Variants in GTF2F2 observed in about 807,000 individuals in gnomAD.
The protein encoded by GTF2F2 is ATP-dependent helicase GTF2F2.
GTF2F2 carries 23 observed loss-of-function variants against 42.2 expected under a neutral mutation model. The observed-to-expected ratio is 0.55, with a 90% CI of 0.39 to 0.77. The LOEUF (loss-of-function observed/expected upper bound fraction) is 0.77. Among genes scored for constraint, GTF2F2 ranks in the 30% least tolerant of loss-of-function variants. The pLI is 0.00. For missense variants in GTF2F2, 261 were observed against 287.2 expected (o/e 0.91, Z 0.66); for synonymous variants, 105 against 100.8 (o/e 1.04, Z -0.25).
At chr13:45,135,250 C>T (rs1346500883) in intron 1 of GTF2F2, among the ~76,000 whole-genome samples, 1 of 151,198 alleles carries the variant, frequency 6.6e-6, no homozygotes, top group African/African-American at 2.4e-5. Flanking sequence ...CACCACACCC[C>T]ATGAACCCAT....
chr13:45,191,741 A>G (rs1280855351), intron 4 of GTF2F2, among the ~76,000 whole-genome samples: 1 of 152,156 alleles, frequency 6.6e-6, no homozygotes, highest in Non-Finnish European at 1.5e-5. Context: ...GTTTTAGAAC[A>G]TTGTGATTTA....
intron 4 of GTF2F2, among the ~76,000 whole-genome samples, chr13:45,179,304 G>A (rs1201962704): frequency 6.6e-6 from 1 of 152,164 alleles, no homozygotes; most frequent in Non-Finnish European, 1.5e-5. Flanking sequence ...AGATTTCTTT[G>A]ATGGGGTATC....
Position 45,283,792 on chromosome 13 carries a change from A to G in GTF2F2, c.*231A>G. On this transcript the variant is annotated 3_prime_UTR_variant, in exon 8 of 8. Transcript: ENST00000340473. ...TAACTTGTATTAAACCAGATTATTC[A>G]CAGTAGGAATAGGGGTTGGAGGATT... 4.2e-6 allele frequency: 1 copy of G among 238,932 alleles called. No individual in the cohort carries two copies. The highest frequency in any genetic ancestry group is 8.1e-6 in the Non-Finnish European group (1 of 123,714). The allele number at this position is 238,932 out of a possible 1,614,324, so 14.8% of individuals were successfully genotyped here.
intron 5 of GTF2F2, among the ~76,000 whole-genome samples, chr13:45,216,229 A>G (rs1873881881): frequency 1.3e-5 from 2 of 152,188 alleles, no homozygotes; most frequent in Non-Finnish European, 2.9e-5. Flanking sequence ...AGAGGAAAAA[A>G]AAGAAGGCAC....
At chr13:45,168,880 C>T (rs1300150458) in intron 4 of GTF2F2, among the ~76,000 whole-genome samples, 2 of 4,890 alleles carry the variant, frequency 4.1e-4, no homozygotes, top group Non-Finnish European at 9.3e-4. Context: ...TCTCTCCCTC[C>T]TTCCCTCCCT....
intron 4 of GTF2F2, among the ~76,000 whole-genome samples, chr13:45,156,390 C>G (rs1476006336): frequency 6.6e-6 from 1 of 152,198 alleles, no homozygotes; most frequent in East Asian, 1.9e-4. Flanking sequence ...ATTCATTTTT[C>G]TAGCCTTCAA....
chr13:45,245,569 AT>A (rs1038570187), intron 5 of GTF2F2, among the ~76,000 whole-genome samples: 4 of 151,494 alleles, frequency 2.6e-5, no homozygotes, highest in African/African-American at 4.8e-5. Flanking sequence ...CATTCTTGAG[AT>A]ACTTCACTTA....
chr13:45,259,358 G>A (rs1057367543), intron 6 of GTF2F2, among the ~76,000 whole-genome samples: 9 of 152,012 alleles, frequency 5.9e-5, no homozygotes, highest in Non-Finnish European at 1.0e-4. Context: ...CCCGGGAGGC[G>A]GAGGTTGCAG....
chr13:45,265,427 C>A (rs1876524225), intron 6 of GTF2F2, among the ~76,000 whole-genome samples: 1 of 151,990 alleles, frequency 6.6e-6, no homozygotes, highest in Non-Finnish European at 1.5e-5. Context: ...CATTTTAATC[C>A]ATTTAAAGCC....
At chr13:45,147,985 G>C (rs929599818) in intron 2 of GTF2F2, among the ~76,000 whole-genome samples, 1 of 152,126 alleles carries the variant, frequency 6.6e-6, no homozygotes, top group Non-Finnish European at 1.5e-5. Flanking sequence ...ATTTGTAGTT[G>C]TTTATGATTG....
At position 45,176,478 on chromosome 13, in the gene GTF2F2, A is replaced by G. The variant is rs1871882964; in HGVS notation, c.304+24647A>G. Among the ~76,000 whole-genome samples the G allele has an allele frequency of 1.3e-5, 2 of 152,020 alleles. 1 individual carries two copies. The highest frequency in any genetic ancestry group is 4.1e-4 in the South Asian group (2 of 4,826). On this transcript the variant is annotated intron_variant, in intron 4 of 7. Coordinates refer to ENST00000340473, the MANE Select transcript of GTF2F2 (RefSeq NM_004128.3). ...TGTTTAGATTTCTTGTCCATTTTTT[A>G]TGAGTTGTCTTTTTCTTTTTGAGTT...
intron 6 of GTF2F2, among the ~76,000 whole-genome samples, chr13:45,253,898 C>T (rs1272187191): frequency 6.6e-6 from 1 of 152,042 alleles, no homozygotes; most frequent in Non-Finnish European, 1.5e-5. Context: ...ACACAGTGAA[C>T]CCCGTCTCTA....
At chr13:45,248,965 A>G (rs1482768537) in intron 5 of GTF2F2, among the ~76,000 whole-genome samples, 1 of 152,176 alleles carries the variant, frequency 6.6e-6, no homozygotes, top group African/African-American at 2.4e-5. Context: ...AAGTCAGCCT[A>G]ATACCTCTGT....
intron 5 of GTF2F2, among the ~76,000 whole-genome samples, chr13:45,222,745 G>C (rs1290483116): frequency 6.6e-6 from 1 of 152,138 alleles, no homozygotes; most frequent in African/African-American, 2.4e-5. Flanking sequence ...CATTTTTCCT[G>C]CCCTTGAGTT....
At chr13:45,231,560 T>C (rs2138219207) in intron 5 of GTF2F2, among the ~76,000 whole-genome samples, 1 of 152,308 alleles carries the variant, frequency 6.6e-6, no homozygotes, top group African/African-American at 2.4e-5. Context: ...CCTCCTTTCC[T>C]GTTTTGCAGT....
At chr13:45,158,745 A>G (rs1485464279) in intron 4 of GTF2F2, among the ~76,000 whole-genome samples, 1 of 152,238 alleles carries the variant, frequency 6.6e-6, no homozygotes, top group Non-Finnish European at 1.5e-5. Context: ...TCTCATGGTT[A>G]TCTCCACGGT....
Position 45,284,022 on chromosome 13 carries a change from C to G in GTF2F2, c.*461C>G, listed in dbSNP as rs931727881. The G allele has an allele frequency of 2.6e-5, 4 of 152,206 alleles. No homozygotes were observed. The highest frequency in any genetic ancestry group is 9.6e-5 in the African/African-American group (4 of 41,536). The allele number at this position is 152,206 out of a possible 1,614,324, so 9.4% of individuals were successfully genotyped here. On this transcript the variant is annotated 3_prime_UTR_variant, in exon 8 of 8. Coordinates refer to ENST00000340473, the MANE Select transcript of GTF2F2 (RefSeq NM_004128.3). ...TCCTTATTTTGAAATTGTCAAAGAACAAAGCGGTGTTTTTCTTTTAAACAG... is the reference window on the plus strand; with the variant it reads ...TCCTTATTTTGAAATTGTCAAAGAAGAAAGCGGTGTTTTTCTTTTAAACAG...
chr13:45,174,709 C>T (rs1396027427), intron 4 of GTF2F2, among the ~76,000 whole-genome samples: 2 of 147,792 alleles, frequency 1.4e-5, no homozygotes, highest in Non-Finnish European at 3.0e-5. Context: ...TACCTGGAAG[C>T]CATACACAGA....
chr13:45,164,817 T>C (rs1350070058), intron 4 of GTF2F2, among the ~76,000 whole-genome samples: 2 of 152,182 alleles, frequency 1.3e-5, no homozygotes, highest in Non-Finnish European at 2.9e-5. Flanking sequence ...CAACAAAAAG[T>C]TGCATCACAG....
Sources: gnomAD v4.1 joint callset for allele counts (sites outside exome capture counted in the v4.1 genomes callset) on GRCh38, gnomAD v4.1.1 for gene constraint, MANE v1.5 for transcripts, NCBI Gene and HGNC (gene_info 2026-07-23, HGNC 2026-07-21) for gene names.